The following CYTH4 variants were observed in gnomAD, a reference collection of about 807,000 sequenced individuals.
The protein encoded by CYTH4 is cytohesin 4, also known as cytohesin-4.
In CYTH4, 22 loss-of-function variants were observed where a neutral mutation model predicts 57.5. That is an observed-to-expected ratio of 0.38 (90% CI 0.27 to 0.55). The LOEUF is 0.55. Among genes scored for constraint, CYTH4 ranks in the 20% least tolerant of loss-of-function variants. CYTH4 has a pLI of 0.74. For missense variants in CYTH4, 420 were observed against 535.6 expected, an observed-to-expected ratio of 0.78 and a Z score of 2.13; for synonymous variants, 186 against 206.5, an observed-to-expected ratio of 0.90 and a Z score of 0.85.
Position 37,311,914 on chromosome 22 carries a change from G to A in CYTH4, c.958-106G>A. ...CTCCTGCCCCTTCGCCTGTCGTAGG[G>A]CTGTCACGCTGATCAGGGACACTAG... On this transcript the variant is annotated intron_variant, in intron 11 of 12. Coordinates refer to ENST00000248901, the MANE Select transcript of CYTH4 (RefSeq NM_013385.5). This position sits in a 1 kb window ranked among gnomAD's most constrained non-coding sequence, Gnocchi z 4.4. The A allele has an allele frequency of 7.1e-7, 1 of 1,410,500 alleles. No individual in the cohort carries two copies. 87.4% of individuals were successfully genotyped at this position (1,410,500 alleles called of 1,614,324 possible).
intron 6 of CYTH4, chr22:37,299,976 G>A: frequency 1.4e-6 from 1 of 700,672 alleles, no homozygotes; most frequent in South Asian, 1.5e-5. Context: ...GGGCAACAGA[G>A]TGAGGCTCTG....
At chr22:37,303,023 G>A (rs913891336) in intron 7 of CYTH4, among the ~76,000 whole-genome samples, 3 of 152,170 alleles carry the variant, frequency 2.0e-5, no homozygotes, top group Non-Finnish European at 2.9e-5. Flanking sequence ...CAGCAGGAGC[G>A]TACGCGCGGA....
At chr22:37,284,734 C>G (rs1928486227) in intron 1 of CYTH4, among the ~76,000 whole-genome samples, 1 of 152,126 alleles carries the variant, frequency 6.6e-6, no homozygotes, top group South Asian at 2.1e-4. Context: ...TTATTATGGA[C>G]AGGCTGGTGA....
intron 5 of CYTH4, 77 bp from the exon 6 acceptor site, chr22:37,299,149 A>C: frequency 1.8e-6 from 2 of 1,086,072 alleles, no homozygotes; most frequent in Non-Finnish European, 2.8e-6. Context: ...TCCCTCCCCC[A>C]CCTCAACCCC....
At chr22:37,306,329 C>A (rs1221241284) in intron 8 of CYTH4, among the ~76,000 whole-genome samples, 1 of 152,202 alleles carries the variant, frequency 6.6e-6, no homozygotes, top group Non-Finnish European at 1.5e-5. Context: ...CAGCCCTGCA[C>A]CTCCTGGGTC....
rs533536869 is a variant in CYTH4, at chr22:37,313,427, C to G, written c.1113-12C>G. 6.2e-7 allele frequency: 1 copy of G among 1,613,670 alleles called. No homozygotes were observed. Among genetic ancestry groups the G allele is most frequent in the South Asian group, 1.1e-5 (1 of 91,082 alleles). On this transcript the variant is annotated splice_polypyrimidine_tract_variant and intron_variant, in intron 12 of 12. Coordinates refer to ENST00000248901, the MANE Select transcript of CYTH4 (RefSeq NM_013385.5). ...AGTCCAGCCCTGAAATCTCTCCTCC[C>G]ACTCATTCTAGAGCCAGCATCACCC... is the stretch of plus-strand genomic sequence containing the variant.
At chr22:37,288,367 G>A (rs747059266) in intron 1 of CYTH4, among the ~76,000 whole-genome samples, 6 of 151,648 alleles carry the variant, frequency 4.0e-5, no homozygotes, top group South Asian at 4.2e-4. Context: ...AGCAAAGGTC[G>A]TGCCACTGCA....
chr22:37,293,909 C>A (rs887356945), intron 2 of CYTH4, among the ~76,000 whole-genome samples: 1 of 151,858 alleles, frequency 6.6e-6, no homozygotes, highest in African/African-American at 2.4e-5. Flanking sequence ...TCAGTGTCCT[C>A]TTCTGTAAAG....
chr22:37,282,737 G>C (rs1428649049), intron 1 of CYTH4, 149 bp downstream of exon 1: 1 of 721,992 alleles, frequency 1.4e-6, no homozygotes, highest in Non-Finnish European at 2.3e-6. Context: ...GGCTCAGCCT[G>C]TGTGTCCAGT....
At chr22:37,302,280 A>G (rs981253613) in intron 7 of CYTH4, among the ~76,000 whole-genome samples, 2 of 152,262 alleles carry the variant, frequency 1.3e-5, no homozygotes, top group African/African-American at 4.8e-5. Context: ...CCCACAGCAC[A>G]GAGTATGTAC....
chr22:37,298,968 G>A lies in CYTH4; in HGVS notation c.354-258G>A, dbSNP rs1244691942. 3.9e-5 allele frequency among the ~76,000 whole-genome samples: 6 copies of A among 152,156 alleles called. No individual in the cohort carries two copies. Among genetic ancestry groups the A allele is most frequent in the Admixed American group, 6.5e-5 (1 of 15,282 alleles). ...GAAGGCCTGGACTGAGGGCAAGGCCGCTCCAAAGCCAGGGCTCCCCTCCCA... is the reference window on the plus strand; with the variant it reads ...GAAGGCCTGGACTGAGGGCAAGGCCACTCCAAAGCCAGGGCTCCCCTCCCA... On this transcript the variant is annotated intron_variant, in intron 5 of 12. Coordinates refer to ENST00000248901, the MANE Select transcript of CYTH4 (RefSeq NM_013385.5). This position sits in a 1 kb window ranked among gnomAD's most constrained non-coding sequence, Gnocchi z 4.1.
Position 37,311,410 on chromosome 22 carries a change from A to G in CYTH4, c.886-46A>G. 1 of 1,560,612 alleles carries G rather than the reference A, an allele frequency of 6.4e-7. No homozygotes were observed. The highest frequency in any genetic ancestry group is 8.8e-7 in the Non-Finnish European group (1 of 1,131,602). On this transcript the variant is annotated intron_variant, in intron 10 of 12. Coordinates refer to ENST00000248901, the MANE Select transcript of CYTH4 (RefSeq NM_013385.5). The surrounding 1 kb of genome is among the most constrained non-coding windows in gnomAD (Gnocchi z 4.4). ...ACGTTCACACCCTGCCTTGGGCCTC[A>G]GGGTTCCGCTTCCTGACCCTGACCT... is the stretch of plus-strand genomic sequence containing the variant.
At chr22:37,308,576 G>A (rs1929498474) in intron 8 of CYTH4, among the ~76,000 whole-genome samples, 3 of 151,818 alleles carry the variant, frequency 2.0e-5, no homozygotes, top group South Asian at 4.2e-4. Context: ...ACATGTATGT[G>A]TGAGCGTGTA....
chr22:37,305,744 G>T (rs1343008252), intron 8 of CYTH4, among the ~76,000 whole-genome samples: 1 of 152,226 alleles, frequency 6.6e-6, no homozygotes, highest in Non-Finnish European at 1.5e-5. Flanking sequence ...GGCCCATTAA[G>T]TGAGGAGGAC....
intron 1 of CYTH4, among the ~76,000 whole-genome samples, chr22:37,288,793 G>A (rs1287422907): frequency 6.6e-6 from 1 of 152,212 alleles, no homozygotes; most frequent in Non-Finnish European, 1.5e-5. Context: ...CACCTCAGCT[G>A]TACCTTCTCA....
rs895271746 is a variant in CYTH4, at chr22:37,312,124, C to T, written c.1062C>T (p.Arg354=). ...TGGAGGGCAAGCACGAATCGTACCGCATCTCAGCCACCAGTGCCGAGGAAC... is the reference window on the plus strand; with the variant it reads ...TGGAGGGCAAGCACGAATCGTACCGTATCTCAGCCACCAGTGCCGAGGAAC... ...RVVEGKHESY[R]ISATSAEERD... Residue 354 remains arginine (R), a synonymous_variant, in exon 12 of 13, where the codon CGC becomes CGT. Transcript: ENST00000248901. 3 of 1,614,160 alleles carry T rather than the reference C, an allele frequency of 1.9e-6. No individual in the cohort carries two copies. Among genetic ancestry groups the T allele is most frequent in the Non-Finnish European group, 2.5e-6 (3 of 1,180,054 alleles).
At chr22:37,301,269 C>T (rs751964378) in intron 7 of CYTH4, among the ~76,000 whole-genome samples, 8 of 152,134 alleles carry the variant, frequency 5.3e-5, no homozygotes, top group Non-Finnish European at 1.0e-4. Flanking sequence ...GCAGCAGCAC[C>T]CCTTTCTGAG....
chr22:37,284,753 C>T (rs56207360), intron 1 of CYTH4, among the ~76,000 whole-genome samples: 3,613 of 152,186 alleles, frequency 0.024, 72 homozygotes, highest in Non-Finnish European at 0.032. Context: ...GACTCAGGGG[C>T]CCCCAGGGCT....
intron 8 of CYTH4, among the ~76,000 whole-genome samples, chr22:37,304,831 C>T (rs562886006): frequency 1.6e-4 from 24 of 152,274 alleles, no homozygotes; most frequent in Non-Finnish European, 4.4e-5. Flanking sequence ...CCACTATCCC[C>T]TCTACCAGGA....
Sources: allele counts gnomAD v4.1 joint callset (sites outside exome capture counted in the v4.1 genomes callset), GRCh38; gene constraint gnomAD v4.1.1; non-coding constraint Gnocchi (gnomAD v3.1); transcripts MANE v1.5; gene names NCBI Gene and HGNC (gene_info 2026-07-23, HGNC 2026-07-21).